The following ZNF804B variants were observed in gnomAD, a reference collection of about 807,000 sequenced individuals.
ZNF804B encodes zinc finger protein 804B.
A neutral mutation model predicts 101.4 loss-of-function variants in ZNF804B; 80 were observed. The observed-to-expected ratio is 0.79, with a 90% CI of 0.66 to 0.95. ZNF804B has a LOEUF of 0.95. ZNF804B is among the 40% of genes least tolerant of loss of function. The pLI is 0.00. For missense variants in ZNF804B, 1,673 were observed against 1,561.9 expected (o/e 1.07, Z -1.20); for synonymous variants, 622 against 558.8 (o/e 1.11, Z -1.59).
chr7:89,123,157 CTTT>C lies in ZNF804B; in HGVS notation c.109-94986_109-94984del, dbSNP rs61180790. Among the ~76,000 whole-genome samples the C allele has an allele frequency of 3.6e-3, 536 of 147,044 alleles. 1 individual carries two copies. The highest frequency in any genetic ancestry group is 0.012 in the South Asian group (54 of 4,580). On this transcript the variant is annotated intron_variant, in intron 1 of 3. Transcript: ENST00000333190. ...TTCTGAGCCCCAGGACCAAGTTCAG[CTTT>C]TTTTTTTTTTTAATGTAGAGATCAC...
chr7:88,903,713 T>C (rs1349625500), intron 1 of ZNF804B, among the ~76,000 whole-genome samples: 1 of 152,172 alleles, frequency 6.6e-6, no homozygotes, highest in African/African-American at 2.4e-5. Context: ...TTAGTGACGA[T>C]GACAATTTTT....
chr7:88,889,448 AT>A (rs553751322), intron 1 of ZNF804B, among the ~76,000 whole-genome samples: 38 of 152,020 alleles, frequency 2.5e-4, no homozygotes, highest in Admixed American at 2.4e-3. Flanking sequence ...AACGTCTGTT[AT>A]TTTTTGACTT....
intron 1 of ZNF804B, among the ~76,000 whole-genome samples, chr7:89,191,353 A>T (rs1365282013): frequency 2.6e-5 from 4 of 152,138 alleles, no homozygotes; most frequent in African/African-American, 2.4e-5. Flanking sequence ...GGACAATATG[A>T]TTAATTTCAA....
chr7:88,808,494 A>G (rs926509415), intron 1 of ZNF804B, among the ~76,000 whole-genome samples: 2 of 151,820 alleles, frequency 1.3e-5, no homozygotes, highest in Non-Finnish European at 2.9e-5. Context: ...TCTAGGGTAG[A>G]GGGTAGAGTA....
chr7:89,214,249 TGA>T, intron 1 of ZNF804B, among the ~76,000 whole-genome samples: 1 of 152,316 alleles, frequency 6.6e-6, no homozygotes, highest in Middle Eastern at 3.4e-3. Flanking sequence ...AATGAATCAT[TGA>T]GAGTGATTAA....
At chr7:89,320,211 A>G (rs765579499) in intron 2 of ZNF804B, among the ~76,000 whole-genome samples, 40 of 152,166 alleles carry the variant, frequency 2.6e-4, no homozygotes, top group Non-Finnish European at 5.0e-4. Context: ...ATGAATAAAT[A>G]AAAACAAATA....
chr7:89,077,460 T>C (rs1490716356), intron 1 of ZNF804B, among the ~76,000 whole-genome samples: 1 of 152,142 alleles, frequency 6.6e-6, no homozygotes, highest in East Asian at 1.9e-4. Flanking sequence ...GAGCAACCTG[T>C]GTTTTGATTA....
At chr7:89,091,533 T>G (rs1170714105) in intron 1 of ZNF804B, among the ~76,000 whole-genome samples, 3 of 152,142 alleles carry the variant, frequency 2.0e-5, no homozygotes, top group African/African-American at 7.2e-5. Flanking sequence ...TAAAAGTGTG[T>G]GCAAAAGGGA....
At chr7:89,282,326 G>A (rs1790112793) in intron 2 of ZNF804B, among the ~76,000 whole-genome samples, 1 of 152,010 alleles carries the variant, frequency 6.6e-6, no homozygotes, top group African/African-American at 2.4e-5. Context: ...ATGTGCCTAT[G>A]GTATTGCAAA....
Position 88,961,304 on chromosome 7 carries a change from C to T in ZNF804B, c.108+201220C>T, listed in dbSNP as rs544714532. Among the ~76,000 whole-genome samples the T allele has an allele frequency of 7.7e-4, 116 of 151,398 alleles. 2 individuals carry two copies. The South Asian group carries it at 0.023, about 30-fold the overall frequency. On this transcript the variant is annotated intron_variant, in intron 1 of 3. Transcript: ENST00000333190. ...GTCTTATTATTTTAAAGACAGCATA[C>T]GTTTTCTTTGTTTGGGTGGAACCAT...
chr7:88,854,029 C>A (rs947755127), intron 1 of ZNF804B, among the ~76,000 whole-genome samples: 1 of 151,994 alleles, frequency 6.6e-6, no homozygotes, highest in African/African-American at 2.4e-5. Context: ...ATTTTTACTG[C>A]GTTTTTCAAC....
At chr7:88,861,180 C>T (rs910877440) in intron 1 of ZNF804B, among the ~76,000 whole-genome samples, 1 of 152,116 alleles carries the variant, frequency 6.6e-6, no homozygotes, top group African/African-American at 2.4e-5. Context: ...TTATGAGGAT[C>T]CCAGTCTACT....
intron 1 of ZNF804B, among the ~76,000 whole-genome samples, chr7:89,107,395 G>C (rs768198510): frequency 3.9e-5 from 6 of 151,974 alleles, no homozygotes; most frequent in Non-Finnish European, 7.4e-5. Flanking sequence ...ATAATGGAGT[G>C]GATTGTAAAA....
chr7:89,245,090 G>A (rs117559703), intron 2 of ZNF804B, among the ~76,000 whole-genome samples: 2 of 152,102 alleles, frequency 1.3e-5, no homozygotes, highest in East Asian at 3.9e-4. Context: ...ATTAATAAGA[G>A]ATTAATACAA....
chr7:88,899,139 T>C (rs1792351846), intron 1 of ZNF804B, among the ~76,000 whole-genome samples: 1 of 152,186 alleles, frequency 6.6e-6, no homozygotes, highest in South Asian at 2.1e-4. Flanking sequence ...GTAAAATAGA[T>C]CAACACTTCA....
intron 2 of ZNF804B, among the ~76,000 whole-genome samples, chr7:89,272,911 A>G (rs148845422): frequency 1.4e-3 from 207 of 152,188 alleles, no homozygotes; most frequent in Middle Eastern, 6.8e-3. Context: ...TGTTGCCTTT[A>G]TACTGCCCTC....
At chr7:88,957,916 G>A (rs935019918) in intron 1 of ZNF804B, among the ~76,000 whole-genome samples, 8 of 131,552 alleles carry the variant, frequency 6.1e-5, no homozygotes, top group Non-Finnish European at 1.4e-4. Context: ...AAATGTGTGT[G>A]CATATGTGTG....
chr7:89,277,561 C>A (rs1290675342), intron 2 of ZNF804B, among the ~76,000 whole-genome samples: 1 of 142,010 alleles, frequency 7.0e-6, no homozygotes, highest in East Asian at 2.1e-4. Flanking sequence ...CAGGTGTTCT[C>A]ATTGTTTAAT....
chr7:88,816,913 G>A (rs889465553), intron 1 of ZNF804B, among the ~76,000 whole-genome samples: 5 of 148,196 alleles, frequency 3.4e-5, no homozygotes, highest in African/African-American at 1.3e-4. Flanking sequence ...AAATCATGCT[G>A]CTATAAGACA....
Sources: allele counts gnomAD v4.1 joint callset (sites outside exome capture counted in the v4.1 genomes callset), GRCh38; gene constraint gnomAD v4.1.1; transcripts MANE v1.5; gene names NCBI Gene and HGNC (gene_info 2026-07-23, HGNC 2026-07-21).